MCTP2: variants seen among roughly 807,000 people sequenced by gnomAD.
MCTP2 encodes multiple C2 and transmembrane domain-containing protein 2.
In MCTP2, 132 loss-of-function variants were observed where a neutral mutation model predicts 111.6. The ratio of observed to expected loss-of-function variants is 1.18; its 90% confidence interval spans 1.03 to 1.37. The LOEUF (loss-of-function observed/expected upper bound fraction) is 1.37, where lower values mean the gene tolerates loss of function less well. Among genes scored for constraint, MCTP2 ranks in the 40% most tolerant of loss-of-function variants. MCTP2 has a pLI of 0.00. For missense variants in MCTP2, 1,183 were observed against 1,067.9 expected (o/e 1.11, Z -1.50); for synonymous variants, 395 against 387.7 (o/e 1.02, Z -0.22).
At chr15:94,390,090 G>GTATATATATATATATATATATATATGTA (rs1168909587) in intron 14 of MCTP2, among the ~76,000 whole-genome samples, 2 of 64,926 alleles carry the variant, frequency 3.1e-5, no homozygotes, top group South Asian at 5.5e-4. Flanking sequence ...ATATATATAT[G>GTATATATATATATATATATATATATGTA]TATATATATA....
intron 2 of MCTP2, among the ~76,000 whole-genome samples, chr15:94,302,422 G>C (rs2075661142): frequency 6.6e-6 from 1 of 152,180 alleles, no homozygotes; most frequent in Non-Finnish European, 1.5e-5. Flanking sequence ...GGGCAAAAGA[G>C]GAAAGTAAGC....
At chr15:94,321,248 AGG>A (rs2076617058) in intron 4 of MCTP2, among the ~76,000 whole-genome samples, 3 of 152,178 alleles carry the variant, frequency 2.0e-5, no homozygotes, top group Non-Finnish European at 2.9e-5. Context: ...ATGGCTCAGT[AGG>A]GTGACTATAC....
At chr15:94,448,163 A>G (rs1488334664) in intron 19 of MCTP2, among the ~76,000 whole-genome samples, 2 of 152,178 alleles carry the variant, frequency 1.3e-5, no homozygotes, top group African/African-American at 4.8e-5. Flanking sequence ...TTAAAAATCA[A>G]ACTCTCATTC....
At chr15:94,232,665 A>C (rs951872453) in intron 1 of MCTP2, among the ~76,000 whole-genome samples, 10 of 152,066 alleles carry the variant, frequency 6.6e-5, no homozygotes, top group Admixed American at 1.3e-4. Context: ...ACAAAGGGGA[A>C]TCTTAAGGCA....
At chr15:94,314,391 C>A in intron 3 of MCTP2, 47 bp downstream of exon 3, 1 of 1,339,858 alleles carries the variant, frequency 7.5e-7, no homozygotes, top group Non-Finnish European at 1.0e-6. Flanking sequence ...GTAGATATTT[C>A]TCATCAAATG....
rs145810949 is a variant in MCTP2 at position 94,244,553 on chromosome 15, C to T, written c.-66+12889C>T. Among the ~76,000 whole-genome samples the T allele has an allele frequency of 7.9e-3, 1,118 of 141,702 alleles. 47 individuals are homozygous for T. Among genetic ancestry groups the T allele is most frequent in the African/African-American group, 0.028 (992 of 35,278 alleles). The allele number at this position is 141,702 out of a possible 152,430, so 93.0% of individuals were successfully genotyped here. A position where few individuals can be genotyped will look rare whatever the true frequency, so the allele number is the denominator to read the frequency against. ...GTATATGTATACACATACATATGCA[C>T]CTATGTTTATATACGTATATGTATA... is the stretch of plus-strand genomic sequence containing the variant. On this transcript the variant is annotated intron_variant, in intron 1 of 22. Coordinates refer to ENST00000357742, the MANE Select transcript of MCTP2 (RefSeq NM_001385001.1).
In MCTP2 at chr15:94,243,674, C is replaced by T. The variant is rs574140137; in HGVS notation, c.-66+12010C>T. Reference sequence around the variant, plus strand: ...GTATACACATATGCGTATATATACACATATATGTATACACATACATATGCG... The same window carrying T: ...GTATACACATATGCGTATATATACATATATATGTATACACATACATATGCG... On this transcript the variant is annotated intron_variant, in intron 1 of 22. Transcript: ENST00000357742. Among the ~76,000 whole-genome samples, 21 of 147,968 alleles carry T rather than the reference C, an allele frequency of 1.4e-4. 1 individual carries two copies. In the South Asian group the frequency reaches 4.4e-3, roughly 31 times the overall value.
intron 1 of MCTP2, among the ~76,000 whole-genome samples, chr15:94,242,993 ATGTGTATC>A (rs1567248813): frequency 2.3e-5 from 2 of 85,350 alleles, no homozygotes; most frequent in East Asian, 5.9e-4. Context: ...ACACGTGTAT[ATGTGTATC>A]TACACATACA....
At chr15:94,256,443 T>A (rs965608963) in intron 1 of MCTP2, among the ~76,000 whole-genome samples, 1 of 152,216 alleles carries the variant, frequency 6.6e-6, no homozygotes, top group African/African-American at 2.4e-5. Flanking sequence ...GTTGGATGAA[T>A]AACAACTTTT....
chr15:94,381,300 G>T (rs1254524764), intron 12 of MCTP2, among the ~76,000 whole-genome samples: 1 of 152,226 alleles, frequency 6.6e-6, no homozygotes, highest in East Asian at 1.9e-4. Flanking sequence ...ATATTTTAAT[G>T]TCTTTGTTTC....
At chr15:94,442,781 ATTGT>A (rs1002305898) in intron 18 of MCTP2, 134 bp from the exon 19 acceptor site, 7 of 677,538 alleles carry the variant, frequency 1.0e-5, no homozygotes, top group African/African-American at 7.2e-5. Context: ...TAAAAGAGTT[ATTGT>A]TTAAGAGGTT....
intron 14 of MCTP2, among the ~76,000 whole-genome samples, chr15:94,397,591 G>A (rs2081344753): frequency 6.6e-6 from 1 of 152,188 alleles, no homozygotes; most frequent in African/African-American, 2.4e-5. Context: ...CTTCCTCTTA[G>A]CTGCTGGCCA....
At chr15:94,378,618 GATAA>G (rs1368924228) in intron 12 of MCTP2, among the ~76,000 whole-genome samples, 1 of 152,174 alleles carries the variant, frequency 6.6e-6, no homozygotes, top group African/African-American at 2.4e-5. Flanking sequence ...CAGAAATTAA[GATAA>G]ATAACATTTT....
chr15:94,402,932 T>G (rs2081673396), intron 17 of MCTP2: 1 of 1,053,052 alleles, frequency 9.5e-7, no homozygotes, highest in African/African-American at 1.7e-5. Flanking sequence ...TGTTTTCTAC[T>G]GCCAATATAT....
At chr15:94,348,495 T>A in intron 8 of MCTP2, among the ~76,000 whole-genome samples, 1 of 20,184 alleles carries the variant, frequency 5.0e-5, no homozygotes, top group Admixed American at 4.5e-4. Flanking sequence ...TCTGTCTTCC[T>A]CTCTCTCTCA....
chr15:94,444,055 A>C (rs2083981941), intron 19 of MCTP2, among the ~76,000 whole-genome samples: 2 of 151,270 alleles, frequency 1.3e-5, no homozygotes, highest in Admixed American at 1.3e-4. Flanking sequence ...TGATAACTGC[A>C]AGTCTAGGCC....
intron 4 of MCTP2, among the ~76,000 whole-genome samples, chr15:94,333,671 T>A (rs1194982397): frequency 1.3e-5 from 2 of 152,180 alleles, no homozygotes; most frequent in African/African-American, 4.8e-5. Flanking sequence ...ATTCTATAGT[T>A]CTTGGTGACT....
chr15:94,235,931 C>T (rs1199882287), intron 1 of MCTP2, among the ~76,000 whole-genome samples: 2 of 152,178 alleles, frequency 1.3e-5, no homozygotes, highest in Non-Finnish European at 2.9e-5. Flanking sequence ...TTGCTGACTA[C>T]TGTGGTTAAG....
At chr15:94,279,624 G>A (rs1272048848) in intron 1 of MCTP2, among the ~76,000 whole-genome samples, 8 of 151,976 alleles carry the variant, frequency 5.3e-5, no homozygotes, top group Admixed American at 3.3e-4. Flanking sequence ...TTGCTTTATT[G>A]TTATGACTAG....
Sources: allele counts gnomAD v4.1 joint callset (sites outside exome capture counted in the v4.1 genomes callset), GRCh38; gene constraint gnomAD v4.1.1; transcripts MANE v1.5; gene names NCBI Gene and HGNC (gene_info 2026-07-23, HGNC 2026-07-21).